The following TTC7B variants were observed in gnomAD, a reference collection of about 807,000 sequenced individuals.
The protein encoded by TTC7B is tetratricopeptide repeat protein 7B.
TTC7B carries 28 observed loss-of-function variants against 106.8 expected under a neutral mutation model. That is an observed-to-expected ratio of 0.26 (90% CI 0.19 to 0.36). TTC7B has a LOEUF of 0.36. TTC7B is among the 10% of genes least tolerant of loss of function. TTC7B has a pLI of 1.00. For synonymous variants in TTC7B, 405 were observed against 430.6 expected (o/e 0.94, Z 0.74); for missense variants, 862 against 1,076.4 (o/e 0.80, Z 2.79).
intron 5 of TTC7B, among the ~76,000 whole-genome samples, chr14:90,719,516 A>T (rs1487955557): frequency 6.6e-6 from 1 of 152,134 alleles, no homozygotes; most frequent in Non-Finnish European, 1.5e-5. Flanking sequence ...CCCTTGGAAG[A>T]CCCTGAAGAC....
chr14:90,647,163 T>G (rs571639592), intron 13 of TTC7B, 140 bp from the exon 14 acceptor site: 1 of 696,068 alleles, frequency 1.4e-6, no homozygotes, highest in African/African-American at 1.8e-5. Context: ...ATTTAAACTC[T>G]TCTTCTTTGT....
chr14:90,801,759 T>C (rs1211733282), intron 1 of TTC7B, among the ~76,000 whole-genome samples: 1 of 152,074 alleles, frequency 6.6e-6, no homozygotes, highest in Non-Finnish European at 1.5e-5. Flanking sequence ...TTGAGTGCAT[T>C]GAAAGCTGCT....
At chr14:90,781,030 T>G in intron 2 of TTC7B, 124 bp from the exon 3 acceptor site, 1 of 831,112 alleles carries the variant, frequency 1.2e-6, no homozygotes, top group Non-Finnish European at 1.9e-6. Context: ...TGGACGTGAA[T>G]GTTCTGAGCA....
chr14:90,741,366 C>A (rs745791763), intron 4 of TTC7B, among the ~76,000 whole-genome samples: 11 of 152,196 alleles, frequency 7.2e-5, no homozygotes, highest in Non-Finnish European at 1.2e-4. Context: ...AAATTTTACT[C>A]TTGCTAGTGA....
rs1010734056 is a variant in TTC7B at position 90,531,290 on chromosome 14, G to C, written c.*10078C>G. 8 of 151,828 alleles carry C rather than the reference G, an allele frequency of 5.3e-5. No homozygotes were observed. The highest frequency in any genetic ancestry group is 1.2e-4 in the African/African-American group (5 of 41,070). The allele number at this position is 151,828 out of a possible 1,614,324, so 9.4% of individuals were successfully genotyped here. ...AAACAAACAAACAAACAAAAAAACA[G>C]CTGGGCACAGTGGCTCACGCCTGTA... On this transcript the variant is annotated 3_prime_UTR_variant, in exon 20 of 20. Coordinates refer to ENST00000328459, the MANE Select transcript of TTC7B (RefSeq NM_001010854.2).
intron 6 of TTC7B, among the ~76,000 whole-genome samples, chr14:90,689,958 A>G (rs780476696): frequency 6.6e-6 from 1 of 152,210 alleles, no homozygotes; most frequent in Non-Finnish European, 1.5e-5. Flanking sequence ...CCCACCTGTC[A>G]CACTCTGGAA....
At chr14:90,565,271 AGCAC>A (rs1312577167) in intron 19 of TTC7B, among the ~76,000 whole-genome samples, 4 of 152,202 alleles carry the variant, frequency 2.6e-5, no homozygotes, top group Admixed American at 1.3e-4. Flanking sequence ...TCACTGGAAT[AGCAC>A]TTTTAATTTC....
intron 15 of TTC7B, among the ~76,000 whole-genome samples, chr14:90,640,084 G>C (rs1186988939): frequency 6.6e-6 from 1 of 152,158 alleles, no homozygotes; most frequent in Admixed American, 6.5e-5. Flanking sequence ...TTTGAGCCCA[G>C]CCTGGCCAAC....
At chr14:90,591,176 T>C (rs2139819381) in intron 18 of TTC7B, among the ~76,000 whole-genome samples, 1 of 152,090 alleles carries the variant, frequency 6.6e-6, no homozygotes, top group Non-Finnish European at 1.5e-5. Context: ...CCCTGTCTCT[T>C]CTAAAAATAC....
At chr14:90,764,811 C>A (rs1890620194) in intron 3 of TTC7B, among the ~76,000 whole-genome samples, 1 of 152,100 alleles carries the variant, frequency 6.6e-6, no homozygotes, top group African/African-American at 2.4e-5. Flanking sequence ...CAGATAACAA[C>A]AAGTGTTGAT....
At chr14:90,612,354 A>G (rs1892907967) in intron 16 of TTC7B, among the ~76,000 whole-genome samples, 1 of 152,234 alleles carries the variant, frequency 6.6e-6, no homozygotes, top group South Asian at 2.1e-4. Flanking sequence ...TTTCACATAA[A>G]TACTACTAAG....
chr14:90,615,218 G>A (rs978106000), intron 16 of TTC7B, among the ~76,000 whole-genome samples: 3 of 152,124 alleles, frequency 2.0e-5, no homozygotes, highest in Non-Finnish European at 2.9e-5. Context: ...AAGAGGGAAC[G>A]GGTTGCTGAG....
chr14:90,778,188 C>T (rs1441399818), intron 3 of TTC7B, among the ~76,000 whole-genome samples: 1 of 152,176 alleles, frequency 6.6e-6, no homozygotes, highest in Non-Finnish European at 1.5e-5. Flanking sequence ...TCCCAGTATA[C>T]ATGTGACTCT....
At chr14:90,629,641 C>T (rs1268447567) in intron 15 of TTC7B, among the ~76,000 whole-genome samples, 1 of 152,238 alleles carries the variant, frequency 6.6e-6, no homozygotes, top group Admixed American at 6.5e-5. Flanking sequence ...CAAGAGGACA[C>T]TCCCATACTC....
At chr14:90,780,616 C>A in intron 3 of TTC7B, 122 bp downstream of exon 3, 2 of 1,204,142 alleles carry the variant, frequency 1.7e-6, no homozygotes, top group South Asian at 1.5e-5. Flanking sequence ...GCGGCCCCAG[C>A]AGCCTTGCTG....
Position 90,548,411 on chromosome 14 carries a change from A to G in TTC7B, c.2311-6822T>C, listed in dbSNP as rs534398926. Among the ~76,000 whole-genome samples the G allele has an allele frequency of 1.2e-4, 19 of 152,332 alleles. No individual in the cohort carries two copies. In the South Asian group the frequency reaches 3.9e-3, roughly 32 times the overall value. On this transcript the variant is annotated intron_variant, in intron 19 of 19. Coordinates refer to ENST00000328459, the MANE Select transcript of TTC7B (RefSeq NM_001010854.2). ...GTGTTGTCAGGTGGCCTCTCCAAAA[A>G]CACAAGTAAACCTGGGAGGACAAAT...
intron 5 of TTC7B, among the ~76,000 whole-genome samples, chr14:90,702,125 G>A (rs1183591364): frequency 2.6e-5 from 4 of 152,300 alleles, no homozygotes; most frequent in African/African-American, 9.6e-5. Context: ...GAGCCGGACA[G>A]CATGAGTTCA....
At chr14:90,745,583 G>A (rs78144572) in intron 3 of TTC7B, among the ~76,000 whole-genome samples, 42 of 152,148 alleles carry the variant, frequency 2.8e-4, no homozygotes, top group African/African-American at 8.4e-4. Flanking sequence ...TGGTTACATC[G>A]ACTGATCATC....
intron 3 of TTC7B, among the ~76,000 whole-genome samples, chr14:90,750,608 A>C (rs1890106508): frequency 6.6e-6 from 1 of 152,240 alleles, no homozygotes; most frequent in Admixed American, 6.5e-5. Context: ...CTCCACAGTG[A>C]GGAGAAACTA....
Sources: allele counts gnomAD v4.1 joint callset (sites outside exome capture counted in the v4.1 genomes callset), GRCh38; gene constraint gnomAD v4.1.1; transcripts MANE v1.5; gene names NCBI Gene and HGNC (gene_info 2026-07-23, HGNC 2026-07-21).